CLSTN1: variants seen among roughly 807,000 people sequenced by gnomAD.
CLSTN1 encodes the protein calsyntenin-1.
In CLSTN1, 28 loss-of-function variants were observed where a neutral mutation model predicts 108.3. The ratio of observed to expected loss-of-function variants is 0.26; its 90% CI spans 0.19 to 0.35. CLSTN1 has a LOEUF of 0.35. Among genes scored for constraint, CLSTN1 ranks in the 10% least tolerant of loss-of-function variants. CLSTN1 has a pLI of 1.00. For missense variants in CLSTN1, 1,157 were observed against 1,302.6 expected, an observed-to-expected ratio of 0.89 and a Z score of 1.72; for synonymous variants, 524 against 534.9, an observed-to-expected ratio of 0.98 and a Z score of 0.28.
intron 10 of CLSTN1, among the ~76,000 whole-genome samples, chr1:9,739,785 C>G (rs1650877786): frequency 1.3e-5 from 2 of 149,790 alleles, no homozygotes; most frequent in Admixed American, 6.7e-5. Context: ...GGGTCTCACT[C>G]TGTTGCTCGG....
rs114513597 is a variant in CLSTN1 at position 9,769,606 on chromosome 1, G to A, written c.214+3666C>T. Among the ~76,000 whole-genome samples, 1,518 of 152,310 alleles carry A rather than the reference G, an allele frequency of 1.0e-2. 12 individuals carry two copies. The highest frequency in any genetic ancestry group is 0.017 in the Non-Finnish European group (1,165 of 68,026). The stretch of plus-strand genomic sequence containing the variant: ...ATCTGTAGTGGTAGCCAGGGCTTGG[G>A]AGTGAAGGAGACTGAGGGATGAGTG... On this transcript the variant is annotated intron_variant, in intron 2 of 18. Coordinates refer to ENST00000377298, the MANE Select transcript of CLSTN1 (RefSeq NM_001009566.3).
intron 3 of CLSTN1, 146 bp from the exon 4 acceptor site, chr1:9,755,455 G>A: frequency 5.0e-6 from 3 of 594,482 alleles, no homozygotes; most frequent in Non-Finnish European, 8.6e-6. Flanking sequence ...ACAAAGCAGG[G>A]GCACTGTGTT....
chr1:9,779,538 G>A (rs1653143240), intron 1 of CLSTN1, among the ~76,000 whole-genome samples: 2 of 152,108 alleles, frequency 1.3e-5, no homozygotes, highest in South Asian at 2.1e-4. Context: ...GAGAAACCAT[G>A]GAGTTTGACT....
Position 9,734,123 on chromosome 1 carries a change from G to A in CLSTN1, c.2130C>T (p.Ser710=), listed in dbSNP as rs149931322. ...TATCCAGGTCGTGCACGATCTCCTC[G>A]GACACCAGTGATTCTTGAACTGCAA... The part of the protein sequence containing the change: ...EDPTVQESLV[S]EEIVHDLDTC... The change falls in exon 15 of 19, where the codon TCC becomes TCT. Residue 710 remains serine (S), a synonymous_variant. Coordinates refer to ENST00000377298, the MANE Select transcript of CLSTN1 (RefSeq NM_001009566.3). This position sits in a 1 kb window ranked among gnomAD's most constrained non-coding sequence, Gnocchi z 4.8. The A allele has an allele frequency of 4.6e-5, 74 of 1,613,890 alleles. No individual in the cohort carries two copies. Among genetic ancestry groups the A allele is most frequent in the East Asian group, 1.1e-4 (5 of 44,864 alleles).
Position 9,823,793 on chromosome 1 carries a change from G to T in CLSTN1, c.-60C>A, listed in dbSNP as rs1655287474. 7 of 868,838 alleles carry T rather than the reference G, an allele frequency of 8.1e-6. No individual in the cohort carries two copies. The highest frequency in any genetic ancestry group is 7.0e-6 in the Non-Finnish European group (5 of 715,864). The allele number at this position is 868,838 out of a possible 1,614,324, so 53.8% of individuals were successfully genotyped here. A position where few individuals can be genotyped will look rare whatever the true frequency, so the allele number is the denominator to read the frequency against. ...CGGGACGCCGAGCGGAGCTCTCGGA[G>T]CTCTCGGGGCTCTAGGGGCCTGGGG... On this transcript the variant is annotated 5_prime_UTR_variant, in exon 1 of 19. Coordinates refer to ENST00000377298, the MANE Select transcript of CLSTN1 (RefSeq NM_001009566.3). The surrounding 1 kb of genome is among the most constrained non-coding windows in gnomAD (Gnocchi z 6.3).
chr1:9,762,483 T>C (rs1468252576), intron 2 of CLSTN1, among the ~76,000 whole-genome samples: 1 of 143,522 alleles, frequency 7.0e-6, no homozygotes, highest in Non-Finnish European at 1.5e-5. Flanking sequence ...AAAGAGAAAA[T>C]GGACACTTGC....
intron 7 of CLSTN1, among the ~76,000 whole-genome samples, chr1:9,748,555 T>C (rs1570448593): frequency 6.6e-6 from 1 of 152,340 alleles, no homozygotes; most frequent in East Asian, 1.9e-4. Context: ...CGGCGTGATC[T>C]TGGCTCACTG....
At chr1:9,748,469 C>T (rs1382008527) in intron 7 of CLSTN1, among the ~76,000 whole-genome samples, 2 of 152,090 alleles carry the variant, frequency 1.3e-5, no homozygotes, top group Non-Finnish European at 2.9e-5. Context: ...TTGTCAAAAG[C>T]TATTGTATTA....
At chr1:9,806,592 A>G (rs1654515713) in intron 1 of CLSTN1, among the ~76,000 whole-genome samples, 1 of 152,136 alleles carries the variant, frequency 6.6e-6, no homozygotes, top group South Asian at 2.1e-4. Flanking sequence ...ATAAAAATAG[A>G]CACGAGGCCG....
intron 5 of CLSTN1, among the ~76,000 whole-genome samples, chr1:9,750,575 A>G (rs925107459): frequency 4.6e-5 from 7 of 151,976 alleles, no homozygotes; most frequent in Non-Finnish European, 7.4e-5. Context: ...AGCTGGGACT[A>G]CAGGTGTGTG....
intron 1 of CLSTN1, among the ~76,000 whole-genome samples, chr1:9,784,807 G>A (rs1224472217): frequency 2.0e-5 from 3 of 152,118 alleles, no homozygotes; most frequent in South Asian, 2.1e-4. Context: ...TTCCAAAGGC[G>A]AGCTAGTAGG....
intron 7 of CLSTN1, among the ~76,000 whole-genome samples, chr1:9,747,607 C>A (rs574559146): frequency 6.6e-6 from 1 of 152,154 alleles, no homozygotes; most frequent in South Asian, 2.1e-4. Flanking sequence ...AGCAATTCTC[C>A]TGCCTCAGCC....
At chr1:9,809,196 C>T (rs1313901000) in intron 1 of CLSTN1, among the ~76,000 whole-genome samples, 1 of 152,200 alleles carries the variant, frequency 6.6e-6, no homozygotes, top group African/African-American at 2.4e-5. Flanking sequence ...TCCCAGAGCC[C>T]TCCCTGAGAA....
chr1:9,793,118 T>C (rs1653840893), intron 1 of CLSTN1, among the ~76,000 whole-genome samples: 2 of 151,314 alleles, frequency 1.3e-5, no homozygotes, highest in African/African-American at 4.8e-5. Context: ...ATTCAAGCGA[T>C]TCTCCTGCCT....
At chr1:9,764,853 T>C (rs559070558) in intron 2 of CLSTN1, among the ~76,000 whole-genome samples, 5 of 152,170 alleles carry the variant, frequency 3.3e-5, no homozygotes, top group Admixed American at 3.3e-4. Context: ...TTTACACTTT[T>C]TTTTATCATC....
upstream of CLSTN1, chr1:9,824,239 A>G (rs1570537850): frequency 1.3e-5 from 2 of 150,096 alleles, no homozygotes; most frequent in East Asian, 4.0e-4. This position sits in a 1 kb window ranked among gnomAD's most constrained non-coding sequence, Gnocchi z 5.0. Flanking sequence ...GGCCCGGGGG[A>G]CTGTATCCCT....
At position 9,730,677 on chromosome 1, in the gene CLSTN1, T is replaced by C. The variant is rs1474045649; in HGVS notation, c.2777A>G (p.Glu926Gly). 3 of 1,608,748 alleles carry C rather than the reference T, an allele frequency of 1.9e-6. No individual in the cohort carries two copies. Residue 926 changes from glutamate (E) to glycine (G), a missense_variant, in exon 19 of 19, where the codon GAG (glutamate) becomes GGG (glycine). By Grantham distance (98) the Glu-to-Gly change is moderately conservative. Coordinates refer to ENST00000377298, the MANE Select transcript of CLSTN1 (RefSeq NM_001009566.3). The surrounding 1 kb of genome is among the most constrained non-coding windows in gnomAD (Gnocchi z 5.6). ...ETYEDQHSSE[E>G]EEEEEEEEES... ...CTCTTCCTCTTCCTCTTCCTCCTCC[T>C]CCTCACTGCTGTGCTGGTCCTCATA... is the stretch of plus-strand genomic sequence containing the variant.
In CLSTN1 at chr1:9,735,594, A is replaced by G. The variant is rs759429165; in HGVS notation, c.1756T>C (p.Leu586=). The change falls in exon 13 of 19, where the codon TTG becomes CTG. Residue 586 remains leucine (L), a synonymous_variant. Transcript: ENST00000377298. The part of the protein sequence containing the change: ...GVQIQAHPSQ[L]VLTLEGEDLG... Reference sequence around the variant, plus strand: ...TCTTCTCCCTCCAAGGTCAATACCAACTGGCTGGGGTGTGCTTGGATCTGA... The same window carrying G: ...TCTTCTCCCTCCAAGGTCAATACCAGCTGGCTGGGGTGTGCTTGGATCTGA... 7.6e-5 allele frequency: 123 copies of G among 1,614,016 alleles called. No homozygotes were observed. The highest frequency in any genetic ancestry group is 1.0e-4 in the Non-Finnish European group (121 of 1,180,030).
chr1:9,785,464 A>T (rs1653443064), intron 1 of CLSTN1, among the ~76,000 whole-genome samples: 1 of 152,156 alleles, frequency 6.6e-6, no homozygotes, highest in Non-Finnish European at 1.5e-5. Context: ...CATAGCTTAG[A>T]CATTATTTAG....
Sources: gnomAD v4.1 joint callset for allele counts (sites outside exome capture counted in the v4.1 genomes callset) on GRCh38, gnomAD v4.1.1 for gene constraint, Gnocchi (gnomAD v3.1) non-coding constraint, MANE v1.5 for transcripts, NCBI Gene and HGNC (gene_info 2026-07-23, HGNC 2026-07-21) for gene names.